THEMIS: variants seen among roughly 807,000 people sequenced by gnomAD.
THEMIS encodes protein THEMIS.
Under a neutral mutation model 52.6 loss-of-function variants are expected in THEMIS, and 37 were observed. That is an observed-to-expected ratio of 0.70 (90% CI 0.54 to 0.93). THEMIS has a LOEUF of 0.93. THEMIS is among the 40% of genes least tolerant of loss of function. The pLI, the probability that THEMIS is intolerant of heterozygous loss-of-function variation, is 0.00. For synonymous variants in THEMIS, 292 were observed against 272.7 expected (o/e 1.07, Z -0.70); for missense variants, 808 against 763.1 (o/e 1.06, Z -0.69).
rs187264969 is a variant in THEMIS at position 127,885,344 on chromosome 6, T to C, written c.91+15498A>G. On this transcript the variant is annotated intron_variant, in intron 1 of 5. Coordinates refer to ENST00000368248, the MANE Select transcript of THEMIS (RefSeq NM_001010923.3). The stretch of plus-strand genomic sequence containing the variant: ...TATCTTCTATTTGGGCTTCAAGTCC[T>C]AGCAAAATTATTACTACTTCTTGTT... 4.4e-3 allele frequency among the ~76,000 whole-genome samples: 667 copies of C among 152,252 alleles called. 3 individuals carry two copies. Among genetic ancestry groups the C allele is most frequent in the Non-Finnish European group, 7.3e-3 (494 of 68,016 alleles).
intron 2 of THEMIS, among the ~76,000 whole-genome samples, chr6:127,850,950 G>T (rs1583351687): frequency 6.6e-6 from 1 of 151,668 alleles, no homozygotes; most frequent in African/African-American, 2.4e-5. Context: ...TACTAGAGAA[G>T]AAAAACTTAA....
chr6:127,738,456 G>T (rs1775082225), intron 4 of THEMIS, among the ~76,000 whole-genome samples: 1 of 152,120 alleles, frequency 6.6e-6, no homozygotes, highest in South Asian at 2.1e-4. Context: ...CAATAGCAAA[G>T]AGTTACAAGG....
chr6:127,719,210 C>T (rs930407920), intron 5 of THEMIS, among the ~76,000 whole-genome samples: 8 of 151,906 alleles, frequency 5.3e-5, no homozygotes, highest in South Asian at 2.1e-4. Context: ...TCCACAAGTC[C>T]GTTTGCTTTT....
At chr6:127,714,824 GT>G (rs1294117640) in intron 5 of THEMIS, among the ~76,000 whole-genome samples, 1 of 151,866 alleles carries the variant, frequency 6.6e-6, no homozygotes, top group Non-Finnish European at 1.5e-5. Flanking sequence ...AAAGAAAAAG[GT>G]TGCTTTGCCT....
intron 4 of THEMIS, among the ~76,000 whole-genome samples, chr6:127,763,013 T>C (rs1392468710): frequency 6.6e-6 from 1 of 151,912 alleles, no homozygotes; most frequent in Non-Finnish European, 1.5e-5. Context: ...TATGAAATAA[T>C]TGGATTGGGG....
chr6:127,781,473 T>A (rs567689623), intron 4 of THEMIS, among the ~76,000 whole-genome samples: 8 of 152,268 alleles, frequency 5.3e-5, no homozygotes, highest in African/African-American at 1.9e-4. Context: ...AGAAGTGTTC[T>A]GGTTTTTGGA....
chr6:127,849,536 G>A (rs1382193066), intron 2 of THEMIS, among the ~76,000 whole-genome samples: 1 of 151,754 alleles, frequency 6.6e-6, no homozygotes, highest in Non-Finnish European at 1.5e-5. Context: ...GTACTTGTAT[G>A]AAAATATGCA....
intron 4 of THEMIS, among the ~76,000 whole-genome samples, chr6:127,802,919 T>A (rs566138424): frequency 1.8e-4 from 28 of 152,362 alleles, no homozygotes; most frequent in African/African-American, 6.7e-4. Flanking sequence ...TCTGTGTTTT[T>A]TATTTTAATG....
intron 1 of THEMIS, among the ~76,000 whole-genome samples, chr6:127,873,466 T>C (rs1780216637): frequency 6.6e-6 from 1 of 152,062 alleles, no homozygotes; most frequent in Non-Finnish European, 1.5e-5. Flanking sequence ...AGGAAGAAAA[T>C]GTACTCCCCC....
chr6:127,812,686 C>A (rs1325860060), intron 4 of THEMIS, among the ~76,000 whole-genome samples, 197 bp downstream of exon 4: 1 of 152,214 alleles, frequency 6.6e-6, no homozygotes, highest in Non-Finnish European at 1.5e-5. Context: ...TATTAAACTT[C>A]ATGCCACATC....
At chr6:127,862,425 TA>T (rs1779833314) in intron 1 of THEMIS, among the ~76,000 whole-genome samples, 1 of 130,246 alleles carries the variant, frequency 7.7e-6, no homozygotes. Context: ...TCCTAGGGAG[TA>T]AATTTTTTTT....
Position 127,868,410 on chromosome 6 carries a change from A to T in THEMIS, c.92-13222T>A, listed in dbSNP as rs1347854502. Reference sequence around the variant, plus strand: ...CTTTGCCAATATTTCTGAGGAAAAGAAAAAAGGAATGGAGAAGATGGACTT... The same window carrying T: ...CTTTGCCAATATTTCTGAGGAAAAGTAAAAAGGAATGGAGAAGATGGACTT... On this transcript the variant is annotated intron_variant, in intron 1 of 5. Coordinates refer to ENST00000368248, the MANE Select transcript of THEMIS (RefSeq NM_001010923.3). 3.0e-6 allele frequency: 3 copies of T among 984,438 alleles called. No homozygotes were observed. The African/African-American group carries it at 5.2e-5, about 17-fold the overall frequency. The allele number at this position is 984,438 out of a possible 1,614,324, so 61.0% of individuals were successfully genotyped here.
At chr6:127,737,798 T>C (rs1309474618) in intron 4 of THEMIS, among the ~76,000 whole-genome samples, 1 of 152,184 alleles carries the variant, frequency 6.6e-6, no homozygotes. Context: ...TAATGTGTTT[T>C]TTAACTTATT....
intron 4 of THEMIS, among the ~76,000 whole-genome samples, chr6:127,783,623 A>G (rs1422339188): frequency 6.6e-6 from 1 of 152,258 alleles, no homozygotes; most frequent in Non-Finnish European, 1.5e-5. Flanking sequence ...AGCCAAAAAA[A>G]CATATGAACA....
At chr6:127,872,454 C>T (rs1027600559) in intron 1 of THEMIS, among the ~76,000 whole-genome samples, 2 of 152,002 alleles carry the variant, frequency 1.3e-5, no homozygotes, top group Admixed American at 6.6e-5. Flanking sequence ...CACCTGTAAT[C>T]CCAGTTACTC....
At chr6:127,704,926 G>A (rs1382549332), downstream of THEMIS, among the ~76,000 whole-genome samples, 1 of 152,216 alleles carries the variant, frequency 6.6e-6, no homozygotes, top group Non-Finnish European at 1.5e-5. Context: ...AGGCCCAAAT[G>A]GATTACTGTT....
chr6:127,895,245 T>C (rs1213350955), intron 1 of THEMIS, among the ~76,000 whole-genome samples: 1 of 151,360 alleles, frequency 6.6e-6, no homozygotes, highest in Non-Finnish European at 1.5e-5. Context: ...TTAGATGATT[T>C]TCTTTATGAC....
intron 3 of THEMIS, among the ~76,000 whole-genome samples, chr6:127,821,001 A>G (rs978586483): frequency 5.9e-5 from 9 of 152,016 alleles, no homozygotes; most frequent in African/African-American, 2.2e-4. Flanking sequence ...ACCAACACTT[A>G]TAGTGTTGTT....
chr6:127,858,553 A>AT (rs1353351545), intron 1 of THEMIS, among the ~76,000 whole-genome samples: 2 of 152,064 alleles, frequency 1.3e-5, no homozygotes, highest in Non-Finnish European at 2.9e-5. Context: ...CTTAAAATAT[A>AT]TTTTTTCCTT....
Sources: gnomAD v4.1 joint callset for allele counts (sites outside exome capture counted in the v4.1 genomes callset) on GRCh38, gnomAD v4.1.1 for gene constraint, MANE v1.5 for transcripts, NCBI Gene and HGNC (gene_info 2026-07-23, HGNC 2026-07-21) for gene names.